PRDM1: variants seen among roughly 807,000 people sequenced by gnomAD.
PRDM1 encodes the protein PR/SET domain 1.
In PRDM1, 13 loss-of-function variants were observed where a neutral mutation model predicts 62.8. The ratio of observed to expected loss-of-function variants is 0.21; its 90% CI spans 0.13 to 0.33. The LOEUF is 0.33. Ranked by LOEUF, PRDM1 falls within the 10% of genes least tolerant of loss-of-function variation. The pLI is 1.00. For synonymous variants in PRDM1, 396 were observed against 417.6 expected (o/e 0.95, Z 0.63); for missense variants, 895 against 1,058.8 (o/e 0.85, Z 2.15).
chr6:106,099,029 C>T, intron 3 of PRDM1: 2 of 1,611,036 alleles, frequency 1.2e-6, no homozygotes, highest in South Asian at 1.1e-5. Context: ...CTTAAATGAA[C>T]ATTTGTGTTT....
intron 1 of PRDM1, among the ~76,000 whole-genome samples, chr6:106,038,110 G>A (rs1032439387): frequency 8.0e-5 from 11 of 138,016 alleles, no homozygotes; most frequent in African/African-American, 2.7e-4. Flanking sequence ...TCTGCCTCCC[G>A]GGTAGCTGGG....
upstream of PRDM1, among the ~76,000 whole-genome samples, chr6:106,083,513 G>C (rs548952163): frequency 6.6e-6 from 1 of 151,992 alleles, no homozygotes; most frequent in Non-Finnish European, 1.5e-5. Context: ...CACCAACATT[G>C]CAATTCCCAA....
rs2114630897 is a variant in PRDM1 at position 106,095,641 on chromosome 6, C to T, written c.318C>T (p.Tyr106=). The T allele has an allele frequency of 6.2e-7, 1 of 1,613,936 alleles. No individual in the cohort carries two copies. The highest frequency in any genetic ancestry group is 8.5e-7 in the Non-Finnish European group (1 of 1,179,882). ...TTATTGGAGTGATGAGTAAAGAATA[C>T]ATACCAAAGGGCACACGTTTTGGAC... ...EEVIGVMSKE[Y]IPKGTRFGPL... Residue 106 remains tyrosine (Y), a synonymous_variant, in exon 3 of 7, where the codon TAC becomes TAT. Transcript: ENST00000369096.
At chr6:106,017,711 G>GT (rs1270415513) in intron 1 of PRDM1, among the ~76,000 whole-genome samples, 1 of 152,128 alleles carries the variant, frequency 6.6e-6, no homozygotes, top group African/African-American at 2.4e-5. Flanking sequence ...CAGCTGCCCA[G>GT]TTTTTTTCTT....
intron 1 of PRDM1, among the ~76,000 whole-genome samples, chr6:106,041,310 A>G (rs1772990861): frequency 6.6e-6 from 1 of 152,226 alleles, no homozygotes; most frequent in African/African-American, 2.4e-5. Context: ...TTCAAAGGTT[A>G]GTATTTTTGT....
At chr6:106,072,086 C>G (rs1562159502) in intron 1 of PRDM1, 1 of 152,210 alleles carries the variant, frequency 6.6e-6, no homozygotes, top group East Asian at 1.9e-4. Flanking sequence ...GACCTACTAT[C>G]AATGTGTTCC....
At chr6:105,998,917 ATATATATATATATATATTTTTTTTTTT>A (rs1202591768) in intron 1 of PRDM1, among the ~76,000 whole-genome samples, 138 of 3,814 alleles carry the variant, frequency 0.036, 1 homozygote, top group African/African-American at 0.12. Context: ...ATATATATAT[ATATATATATATATATATTTTTTTTTTT>A]TTTTTTCTTT....
At chr6:106,082,914 C>A (rs887285287), upstream of PRDM1, among the ~76,000 whole-genome samples, 5 of 152,132 alleles carry the variant, frequency 3.3e-5, no homozygotes, top group African/African-American at 1.2e-4. Context: ...CACACACAGG[C>A]TGCATTGTAA....
exon 1 of PRDM1, among the ~76,000 whole-genome samples, chr6:105,993,501 G>A (rs1772308323): frequency 6.6e-6 from 1 of 152,208 alleles, no homozygotes; most frequent in South Asian, 2.1e-4. Flanking sequence ...GAAGTTGCTT[G>A]CTTTCTAGGT....
At position 106,108,751 on chromosome 6, in the gene PRDM1, TA is replaced by T. The variant is rs1239868528; in HGVS notation, c.*1266del. 2 of 233,440 alleles carry T rather than the reference TA, an allele frequency of 8.6e-6. No homozygotes were observed. Among genetic ancestry groups the T allele is most frequent in the Non-Finnish European group, 1.7e-5 (2 of 117,938 alleles). The allele number at this position is 233,440 out of a possible 1,614,324, so 14.5% of individuals were successfully genotyped here. On this transcript the variant is annotated 3_prime_UTR_variant, in exon 7 of 7. Transcript: ENST00000369096. ...AGATTTTCCTCAGTATTTGTGTTTT[TA>T]CATTTTATGGTTAATTTAATGGAAG...
At chr6:106,009,939 A>G (rs1443727964) in intron 1 of PRDM1, among the ~76,000 whole-genome samples, 1 of 152,166 alleles carries the variant, frequency 6.6e-6, no homozygotes, top group African/African-American at 2.4e-5. Flanking sequence ...GCTGGTCTCG[A>G]ACTCTTAACC....
At chr6:106,104,730 T>TA in intron 4 of PRDM1, 95 bp from the exon 5 acceptor site, 1 of 1,414,272 alleles carries the variant, frequency 7.1e-7, no homozygotes, top group Non-Finnish European at 9.6e-7. Context: ...CGCCAGCTGT[T>TA]ACTCAGGTTT....
chr6:106,016,228 G>C (rs1222016201), intron 1 of PRDM1, among the ~76,000 whole-genome samples: 2 of 152,084 alleles, frequency 1.3e-5, no homozygotes, highest in Non-Finnish European at 2.9e-5. Context: ...TCATTCATTT[G>C]TTGATAGACA....
At chr6:106,030,951 T>G (rs1381610521) in intron 1 of PRDM1, among the ~76,000 whole-genome samples, 2 of 152,052 alleles carry the variant, frequency 1.3e-5, no homozygotes, top group Non-Finnish European at 2.9e-5. Flanking sequence ...CTAAAGAAGT[T>G]AACAATAGTT....
intron 2 of PRDM1, among the ~76,000 whole-genome samples, chr6:106,089,444 C>T (rs750445555): frequency 6.6e-6 from 1 of 152,200 alleles, no homozygotes; most frequent in Non-Finnish European, 1.5e-5. Context: ...CACTTTCCCC[C>T]TTCCCTAAGG....
intron 1 of PRDM1, among the ~76,000 whole-genome samples, chr6:105,995,280 T>C (rs556680636): frequency 1.3e-5 from 2 of 152,346 alleles, no homozygotes; most frequent in South Asian, 4.1e-4. Context: ...GGCATGTTCG[T>C]GCAGCCCTCT....
chr6:106,102,137 T>C (rs1176868832), intron 4 of PRDM1, among the ~76,000 whole-genome samples: 1 of 152,238 alleles, frequency 6.6e-6, no homozygotes, highest in Non-Finnish European at 1.5e-5. Context: ...GTTCTTATTA[T>C]AGATCGAAAA....
intron 3 of PRDM1, among the ~76,000 whole-genome samples, chr6:106,096,368 G>A (rs779353407): frequency 6.6e-6 from 1 of 152,020 alleles, no homozygotes; most frequent in African/African-American, 2.4e-5. Flanking sequence ...TGATGGTCTC[G>A]ATCTCTGGAC....
chr6:106,039,494 T>G (rs1292032439), intron 1 of PRDM1, among the ~76,000 whole-genome samples: 1 of 152,222 alleles, frequency 6.6e-6, no homozygotes, highest in Non-Finnish European at 1.5e-5. Flanking sequence ...GCTACTATTT[T>G]GGTTACTCAT....
Sources: allele counts gnomAD v4.1 joint callset (sites outside exome capture counted in the v4.1 genomes callset), GRCh38; gene constraint gnomAD v4.1.1; transcripts MANE v1.5; gene names NCBI Gene and HGNC (gene_info 2026-07-23, HGNC 2026-07-21).